Variants in SMYD3 observed in about 807,000 individuals in gnomAD.
The protein encoded by SMYD3 is histone-lysine N-methyltransferase SMYD3.
In SMYD3, 36 loss-of-function variants were observed where a neutral mutation model predicts 57.7. That is an observed-to-expected ratio of 0.62 (90% CI 0.48 to 0.82). The LOEUF is 0.82. Ranked by LOEUF, SMYD3 falls within the 40% of genes least tolerant of loss-of-function variation. The pLI, the probability that SMYD3 is intolerant of heterozygous loss-of-function variation, is 0.00. For missense variants in SMYD3, 515 were observed against 538.8 expected, an observed-to-expected ratio of 0.96 and a Z score of 0.44; for synonymous variants, 211 against 195.0, an observed-to-expected ratio of 1.08 and a Z score of -0.68.
intron 5 of SMYD3, among the ~76,000 whole-genome samples, chr1:246,004,234 G>C (rs1384150835): frequency 3.3e-5 from 5 of 152,282 alleles, no homozygotes; most frequent in Admixed American, 6.5e-5. Context: ...TTTTAGTCAA[G>C]CTACAAAATA....
chr1:245,845,079 C>G (rs563060551), intron 10 of SMYD3, among the ~76,000 whole-genome samples: 104 of 152,308 alleles, frequency 6.8e-4, no homozygotes, highest in Non-Finnish European at 4.4e-5. Context: ...TTTGGTTCAG[C>G]TCTCCAAAAG....
chr1:246,299,853 A>C (rs1198481518), intron 5 of SMYD3, among the ~76,000 whole-genome samples: 2 of 151,704 alleles, frequency 1.3e-5, no homozygotes, highest in Non-Finnish European at 2.9e-5. Context: ...GGATGGGAGG[A>C]GGGAGAGGAT....
At chr1:245,846,077 T>A (rs2050648798) in intron 10 of SMYD3, among the ~76,000 whole-genome samples, 2 of 151,940 alleles carry the variant, frequency 1.3e-5, no homozygotes, top group Admixed American at 1.3e-4. Context: ...GTTATACAGA[T>A]AGCAGAACAT....
At position 245,929,878 on chromosome 1, in the gene SMYD3, T is replaced by C. The variant is rs770162114; in HGVS notation, c.591A>G (p.Leu197=). The C allele has an allele frequency of 3.1e-6, 5 of 1,613,240 alleles. No homozygotes were observed. The highest frequency in any genetic ancestry group is 8.5e-7 in the Non-Finnish European group (1 of 1,179,256). The change falls in exon 6 of 12, where the codon CTA becomes CTG. Residue 197 remains leucine (L), a synonymous_variant. Coordinates refer to ENST00000490107, the MANE Select transcript of SMYD3 (RefSeq NM_001167740.2). ...NAEMQEVGVG[L]YPSISLLNHS... is the part of the protein sequence containing the mutation. ...AGTACCATACACCATACCTGGGATA[T>C]AGGCCAACACCAACTTCCTGCATCT...
intron 5 of SMYD3, among the ~76,000 whole-genome samples, chr1:246,154,840 G>A (rs2061998770): frequency 6.6e-6 from 1 of 150,522 alleles, no homozygotes; most frequent in Admixed American, 6.6e-5. Flanking sequence ...GGAGTGCACT[G>A]GTGCAATTTT....
At chr1:246,091,447 G>C (rs1340614212) in intron 5 of SMYD3, among the ~76,000 whole-genome samples, 1 of 150,298 alleles carries the variant, frequency 6.7e-6, no homozygotes, top group Non-Finnish European at 1.5e-5. Context: ...TCTCTATAGA[G>C]AGAGAGCTGG....
chr1:246,002,671 C>T (rs112237215), intron 5 of SMYD3, among the ~76,000 whole-genome samples: 59,213 of 66,272 alleles, frequency 0.89, 28,203 homozygotes, highest in Middle Eastern at 0.96. Context: ...CCAGGATGGT[C>T]TCGATCTCCT....
intron 5 of SMYD3, among the ~76,000 whole-genome samples, chr1:245,940,826 T>C (rs1425837387): frequency 6.6e-6 from 1 of 152,164 alleles, no homozygotes; most frequent in Non-Finnish European, 1.5e-5. Flanking sequence ...CTGGATGAAA[T>C]GACAAAAGTA....
intron 5 of SMYD3, among the ~76,000 whole-genome samples, chr1:246,314,830 G>A (rs975187211): frequency 6.6e-6 from 1 of 152,112 alleles, no homozygotes; most frequent in Non-Finnish European, 1.5e-5. Flanking sequence ...TTCAAATGTC[G>A]AACGATACTA....
intron 5 of SMYD3, among the ~76,000 whole-genome samples, chr1:246,284,163 G>A (rs2064507956): frequency 6.6e-6 from 1 of 152,148 alleles, no homozygotes; most frequent in South Asian, 2.1e-4. Context: ...GTCAGATGCT[G>A]CATATCAGCT....
intron 8 of SMYD3, among the ~76,000 whole-genome samples, chr1:245,869,384 T>G (rs942796262): frequency 1.9e-4 from 29 of 152,190 alleles, no homozygotes; most frequent in Admixed American, 1.9e-3. Flanking sequence ...GGGCAAGTCT[T>G]CCTTTTCCTG....
intron 5 of SMYD3, among the ~76,000 whole-genome samples, chr1:246,087,049 G>A (rs891154075): frequency 4.6e-5 from 7 of 152,074 alleles, no homozygotes; most frequent in African/African-American, 9.7e-5. Flanking sequence ...CATGCAAAGG[G>A]CATGATCTCA....
intron 1 of SMYD3, among the ~76,000 whole-genome samples, chr1:246,391,257 A>G (rs2066559983): frequency 6.6e-6 from 1 of 150,410 alleles, no homozygotes; most frequent in African/African-American, 2.5e-5. Flanking sequence ...GCATGCACCT[A>G]TATTCCTAGA....
intron 1 of SMYD3, among the ~76,000 whole-genome samples, chr1:246,377,483 C>T (rs566446564): frequency 1.3e-5 from 2 of 151,630 alleles, no homozygotes; most frequent in East Asian, 1.9e-4. Flanking sequence ...GATTCTCCTG[C>T]CTCAGCCTCC....
intron 5 of SMYD3, among the ~76,000 whole-genome samples, chr1:246,266,110 C>T (rs2064101000): frequency 6.6e-6 from 1 of 152,116 alleles, no homozygotes; most frequent in South Asian, 2.1e-4. Context: ...AAAAGGGAAC[C>T]CCACAAATCC....
rs151238988 is a variant in SMYD3 at position 245,855,478 on chromosome 1, A to T, written c.1076+3018T>A. 1.9e-3 allele frequency among the ~76,000 whole-genome samples: 283 copies of T among 152,314 alleles called. 1 individual carries two copies. The highest frequency in any genetic ancestry group is 6.4e-3 in the African/African-American group (265 of 41,566). On this transcript the variant is annotated intron_variant, in intron 10 of 11. Coordinates refer to ENST00000490107, the MANE Select transcript of SMYD3 (RefSeq NM_001167740.2). Reference sequence around the variant, plus strand: ...CTAATTGGCGAATTAACATTAGACTAAGTTAAACTTTTAAATAAAATTTAT... The same window carrying T: ...CTAATTGGCGAATTAACATTAGACTTAGTTAAACTTTTAAATAAAATTTAT...
At chr1:246,188,281 G>A (rs923242985) in intron 5 of SMYD3, among the ~76,000 whole-genome samples, 4 of 152,074 alleles carry the variant, frequency 2.6e-5, no homozygotes, top group Non-Finnish European at 4.4e-5. Flanking sequence ...GAACAGGAGC[G>A]ATCAGAGTCC....
intron 7 of SMYD3, among the ~76,000 whole-genome samples, chr1:245,924,348 A>G (rs1026357320): frequency 1.3e-5 from 2 of 152,204 alleles, no homozygotes; most frequent in Non-Finnish European, 2.9e-5. Context: ...AAGACCCAAT[A>G]ACTCAGCATT....
chr1:246,240,061 G>A (rs1352420554), intron 5 of SMYD3, among the ~76,000 whole-genome samples: 3 of 152,090 alleles, frequency 2.0e-5, no homozygotes, highest in Non-Finnish European at 2.9e-5. Flanking sequence ...TCTGATAGTA[G>A]GTTCTTTTGC....
Sources: allele counts gnomAD v4.1 joint callset (sites outside exome capture counted in the v4.1 genomes callset), GRCh38; gene constraint gnomAD v4.1.1; transcripts MANE v1.5; gene names NCBI Gene and HGNC (gene_info 2026-07-23, HGNC 2026-07-21).